GREB1L: variants seen among roughly 807,000 people sequenced by gnomAD.
GREB1L encodes the protein GREB1 like retinoic acid receptor coactivator, also known as GREB1-like protein.
In GREB1L, 17 loss-of-function variants were observed where a neutral mutation model predicts 200.8. The observed-to-expected ratio is 0.08, with a 90% CI of 0.06 to 0.13. The LOEUF (loss-of-function observed/expected upper bound fraction) is 0.13. Ranked by LOEUF, GREB1L falls within the 10% of genes least tolerant of loss-of-function variation. GREB1L has a pLI of 1.00. For missense variants in GREB1L, 1,657 were observed against 2,367.7 expected (o/e 0.70, Z 6.23); for synonymous variants, 789 against 893.0 (o/e 0.88, Z 2.08).
chr18:21,407,184 A>AT (rs1357461247), intron 7 of GREB1L, among the ~76,000 whole-genome samples: 1 of 151,898 alleles, frequency 6.6e-6, no homozygotes, highest in East Asian at 1.9e-4. Context: ...TTCTCTTAAC[A>AT]TTTTCATGTA....
intron 7 of GREB1L, among the ~76,000 whole-genome samples, chr18:21,428,416 T>A (rs1292501736): frequency 4.9e-5 from 7 of 141,644 alleles, no homozygotes; most frequent in Non-Finnish European, 9.0e-5. Context: ...TTTTATCAAG[T>A]AGAGGAAGGT....
chr18:21,473,312 G>A (rs775390268), intron 16 of GREB1L, 101 bp downstream of exon 16: 3 of 875,086 alleles, frequency 3.4e-6, no homozygotes, highest in Non-Finnish European at 4.9e-6. Flanking sequence ...GCTCACACCT[G>A]TAATCCCAAC....
chr18:21,255,549 CA>C (rs1188581561), intron 1 of GREB1L, among the ~76,000 whole-genome samples: 1 of 152,156 alleles, frequency 6.6e-6, no homozygotes, highest in Non-Finnish European at 1.5e-5. Flanking sequence ...TGTTTAAATG[CA>C]GATTCTGAGC....
At chr18:21,368,653 A>G (rs1427836288) in intron 2 of GREB1L, among the ~76,000 whole-genome samples, 3 of 152,192 alleles carry the variant, frequency 2.0e-5, no homozygotes, top group African/African-American at 7.2e-5. Flanking sequence ...GCTATTTGGC[A>G]ATAGTATTTA....
intron 1 of GREB1L, among the ~76,000 whole-genome samples, chr18:21,246,814 T>C (rs2037610827): frequency 6.6e-6 from 1 of 152,214 alleles, no homozygotes; most frequent in Admixed American, 6.5e-5. Flanking sequence ...AAGAGCTGAT[T>C]TGTGGTTAGT....
Position 21,275,827 on chromosome 18 carries a change from T to C in GREB1L, c.-120+33434T>C, listed in dbSNP as rs539844032. 5.9e-5 allele frequency among the ~76,000 whole-genome samples: 9 copies of C among 152,346 alleles called. No homozygotes were observed. In the East Asian group the frequency reaches 1.7e-3, roughly 29 times the overall value. On this transcript the variant is annotated intron_variant, in intron 1 of 32. Coordinates refer to ENST00000424526, the MANE Select transcript of GREB1L (RefSeq NM_001142966.3). ...AAGTTTTATTGAAACATGGCCATGC[T>C]TGTTCACTTGCATATCGTCTCTGAC...
chr18:21,379,657 G>A (rs2040223472), intron 2 of GREB1L, among the ~76,000 whole-genome samples: 1 of 152,154 alleles, frequency 6.6e-6, no homozygotes, highest in Non-Finnish European at 1.5e-5. Flanking sequence ...CAATCCTATG[G>A]TTAACTCTGT....
At chr18:21,428,160 G>A (rs2586206) in intron 7 of GREB1L, among the ~76,000 whole-genome samples, 7 of 128,836 alleles carry the variant, frequency 5.4e-5, no homozygotes, top group Non-Finnish European at 9.5e-5. Flanking sequence ...ACTGCAGTCC[G>A]CAGTCCGGCC....
intron 1 of GREB1L, among the ~76,000 whole-genome samples, chr18:21,296,347 C>T (rs1204248020): frequency 2.6e-5 from 4 of 152,196 alleles, no homozygotes; most frequent in Non-Finnish European, 4.4e-5. Context: ...ACAAATATCA[C>T]ATGTTCTCAT....
intron 1 of GREB1L, among the ~76,000 whole-genome samples, chr18:21,270,237 A>G (rs2038056275): frequency 6.6e-6 from 1 of 152,248 alleles, no homozygotes; most frequent in African/African-American, 2.4e-5. Context: ...GGGGACATTT[A>G]TGCTTAACTC....
At chr18:21,330,540 G>A (rs1331383709) in intron 1 of GREB1L, among the ~76,000 whole-genome samples, 3 of 152,100 alleles carry the variant, frequency 2.0e-5, no homozygotes, top group Non-Finnish European at 4.4e-5. Context: ...CTGTGGATTG[G>A]ACCTTTGCCC....
chr18:21,508,397 C>T lies in GREB1L; in HGVS notation c.4541C>T (p.Ala1514Val). The T allele has an allele frequency of 6.4e-7, 1 of 1,551,420 alleles. No homozygotes were observed. Among genetic ancestry groups the T allele is most frequent in the Non-Finnish European group, 8.7e-7 (1 of 1,146,860 alleles). Residue 1514 changes from alanine to valine, a missense_variant, in exon 27 of 33, where the codon GCA becomes GTA. Transcript: ENST00000424526. The stretch of plus-strand genomic sequence containing the variant: ...TTTCCCTTTCAGCAGAATTTGAATG[C>T]AGTCAAGAGCCCTATTTTCACTCCT... ...LPLVSDKNLN[A>V]VKSPIFTPSS...
rs59982674 is a variant in GREB1L, at chr18:21,428,332, C to CTTTTTTTTTT, written c.833-11172_833-11163dup. On this transcript the variant is annotated intron_variant, in intron 7 of 32. Transcript: ENST00000424526. ...TTATTTTGGGTTTTTGTCTTTTTGT[C>CTTTTTTTTTT]TTTTTTTTTTTTTTTTTTTTTTTTT... is the stretch of plus-strand genomic sequence containing the variant. Among the ~76,000 whole-genome samples the CTTTTTTTTTT allele has an allele frequency of 5.9e-3, 319 of 54,054 alleles. 1 individual carries two copies. Among genetic ancestry groups the CTTTTTTTTTT allele is most frequent in the Middle Eastern group, 0.019 (1 of 52 alleles). 35.5% of individuals were successfully genotyped at this position (54,054 alleles called of 152,430 possible).
At position 21,395,370 on chromosome 18, in the gene GREB1L, T is replaced by TA. The variant is rs771258682; in HGVS notation, c.356-12dup. The TA allele has an allele frequency of 1.3e-6, 2 of 1,542,398 alleles. No individual in the cohort carries two copies. Among genetic ancestry groups the TA allele is most frequent in the South Asian group, 2.4e-5 (2 of 83,350 alleles). ...AAACATTTCACTGTGTCCTTTTTTT[T>TA]AAACTGGTTTTTAGGTTTTTGTCAA... On this transcript the variant is annotated splice_polypyrimidine_tract_variant and intron_variant, in intron 4 of 32. Transcript: ENST00000424526.
intron 7 of GREB1L, among the ~76,000 whole-genome samples, chr18:21,425,934 T>A (rs1369595215): frequency 1.3e-5 from 2 of 152,216 alleles, no homozygotes; most frequent in African/African-American, 4.8e-5. Context: ...GTTTTCGGTG[T>A]TATAGCTAAG....
At chr18:21,245,629 A>T (rs1452403589) in intron 1 of GREB1L, among the ~76,000 whole-genome samples, 3 of 152,178 alleles carry the variant, frequency 2.0e-5, no homozygotes, top group African/African-American at 4.8e-5. Flanking sequence ...TATGCAATGG[A>T]TGTTCATTAT....
chr18:21,504,856 C>A (rs1006214172), intron 23 of GREB1L, among the ~76,000 whole-genome samples: 5 of 152,140 alleles, frequency 3.3e-5, no homozygotes, highest in Admixed American at 6.5e-5. Context: ...AGGATTCACA[C>A]CCAGGTCTAC....
At chr18:21,477,016 TCC>T in intron 16 of GREB1L, 146 bp from the exon 17 acceptor site, 1 of 544,874 alleles carries the variant, frequency 1.8e-6, no homozygotes, top group Non-Finnish European at 3.1e-6. Flanking sequence ...TTTTTTCCTT[TCC>T]GTGTCAAATT....
Position 21,333,099 on chromosome 18 carries a change from C to T in GREB1L, c.-119-32928C>T, listed in dbSNP as rs117437742. Among the ~76,000 whole-genome samples the T allele has an allele frequency of 4.8e-4, 73 of 152,002 alleles. 3 individuals are homozygous for T. The East Asian group carries it at 8.1e-3, about 17-fold the overall frequency. On this transcript the variant is annotated intron_variant, in intron 1 of 32. Transcript: ENST00000424526. Reference sequence around the variant, plus strand: ...CTATGTTAATACACACACACGCGCGCGCGCGCGCGCACATACGGTCTCTCT... The same window carrying T: ...CTATGTTAATACACACACACGCGCGTGCGCGCGCGCACATACGGTCTCTCT...
Sources: allele counts gnomAD v4.1 joint callset (sites outside exome capture counted in the v4.1 genomes callset), GRCh38; gene constraint gnomAD v4.1.1; transcripts MANE v1.5; gene names NCBI Gene and HGNC (gene_info 2026-07-23, HGNC 2026-07-21).